Variants in NELL1 observed in about 807,000 individuals in gnomAD.
The protein encoded by NELL1 is protein kinase C-binding protein NELL1.
A neutral mutation model predicts 107.4 loss-of-function variants in NELL1; 76 were observed. The observed-to-expected ratio is 0.71, with a 90% CI of 0.59 to 0.86. The LOEUF is 0.86. NELL1 is among the 40% of genes least tolerant of loss of function. NELL1 has a pLI of 0.00. For synonymous variants in NELL1, 353 were observed against 341.2 expected (o/e 1.03, Z -0.38); for missense variants, 1,024 against 1,005.5 (o/e 1.02, Z -0.25).
chr11:20,812,645 T>A (rs1857523918), intron 3 of NELL1, among the ~76,000 whole-genome samples: 1 of 152,062 alleles, frequency 6.6e-6, no homozygotes, highest in Admixed American at 6.5e-5. Context: ...ATTTATGTTG[T>A]TAATTAAAGG....
chr11:20,902,676 CTTTT>C, intron 5 of NELL1, among the ~76,000 whole-genome samples: 1 of 148,126 alleles, frequency 6.8e-6, no homozygotes, highest in South Asian at 2.1e-4. Flanking sequence ...CATCACAGGA[CTTTT>C]TTTTTTGTTT....
chr11:21,413,635 T>TG (rs1852432869), intron 15 of NELL1, among the ~76,000 whole-genome samples: 1 of 152,038 alleles, frequency 6.6e-6, no homozygotes, highest in Non-Finnish European at 1.5e-5. Context: ...TCTGTCCTTA[T>TG]TTTAGCCTGT....
intron 10 of NELL1, among the ~76,000 whole-genome samples, chr11:20,938,824 T>A (rs1850781109): frequency 6.6e-6 from 1 of 151,998 alleles, no homozygotes; most frequent in Non-Finnish European, 1.5e-5. Context: ...CCTGGACAGT[T>A]AGACAGAACA....
intron 12 of NELL1, among the ~76,000 whole-genome samples, chr11:21,092,570 G>T (rs991186605): frequency 6.6e-6 from 1 of 152,122 alleles, no homozygotes; most frequent in African/African-American, 2.4e-5. Context: ...GCCCCCTAGA[G>T]AGGAGAAAAA....
intron 14 of NELL1, among the ~76,000 whole-genome samples, chr11:21,296,718 G>A (rs1849383943): frequency 6.6e-6 from 1 of 151,912 alleles, no homozygotes; most frequent in Non-Finnish European, 1.5e-5. Flanking sequence ...AAACAACTTA[G>A]ACAGATGGAA....
chr11:21,120,204 A>G (rs888388322), intron 13 of NELL1, among the ~76,000 whole-genome samples: 2 of 152,166 alleles, frequency 1.3e-5, no homozygotes, highest in African/African-American at 2.4e-5. Context: ...AGTACACTAT[A>G]ATGAAAAGAG....
chr11:20,840,487 T>C (rs1170650084), intron 3 of NELL1, among the ~76,000 whole-genome samples: 1 of 152,076 alleles, frequency 6.6e-6, no homozygotes, highest in Admixed American at 6.5e-5. Flanking sequence ...CAGCTGGAGG[T>C]GTTTTCACTC....
At chr11:21,226,828 T>A (rs1421379334) in intron 13 of NELL1, among the ~76,000 whole-genome samples, 1 of 152,166 alleles carries the variant, frequency 6.6e-6, no homozygotes, top group Non-Finnish European at 1.5e-5. Flanking sequence ...ATGAACATGG[T>A]AAGAGTATGG....
chr11:20,978,969 T>G (rs1329242078), intron 12 of NELL1, among the ~76,000 whole-genome samples: 1 of 152,196 alleles, frequency 6.6e-6, no homozygotes, highest in African/African-American at 2.4e-5. Flanking sequence ...CACAGGTAGT[T>G]ACACTTGAAA....
chr11:21,286,456 G>A (rs576955417), intron 14 of NELL1, among the ~76,000 whole-genome samples: 14 of 152,236 alleles, frequency 9.2e-5, no homozygotes, highest in South Asian at 4.1e-4. Flanking sequence ...AGCAAGGGGC[G>A]GATTTTAGCC....
chr11:21,466,929 C>T (rs1854047600), intron 15 of NELL1, among the ~76,000 whole-genome samples: 1 of 151,916 alleles, frequency 6.6e-6, no homozygotes, highest in East Asian at 1.9e-4. Context: ...CCCAGACATT[C>T]ATGTCAGTGA....
chr11:21,069,108 C>T (rs1237477857), intron 12 of NELL1, among the ~76,000 whole-genome samples: 1 of 152,118 alleles, frequency 6.6e-6, no homozygotes, highest in East Asian at 1.9e-4. Flanking sequence ...TAGTGAATGT[C>T]TGTGTCCATT....
At chr11:21,206,820 A>G (rs1217406389) in intron 13 of NELL1, among the ~76,000 whole-genome samples, 1 of 152,192 alleles carries the variant, frequency 6.6e-6, no homozygotes, top group South Asian at 2.1e-4. Flanking sequence ...AACTTCTGTG[A>G]TAAAGAAAAA....
intron 15 of NELL1, among the ~76,000 whole-genome samples, chr11:21,387,730 G>A: frequency 6.6e-6 from 1 of 151,746 alleles, no homozygotes; most frequent in East Asian, 2.0e-4. Context: ...TCTGAATTCT[G>A]AGTGTGTTAC....
intron 9 of NELL1, among the ~76,000 whole-genome samples, chr11:20,936,857 A>G (rs1344546652): frequency 2.0e-5 from 3 of 152,200 alleles, no homozygotes; most frequent in Non-Finnish European, 2.9e-5. Flanking sequence ...ACAGATATAG[A>G]GGCTCTGAAA....
chr11:20,718,462 A>AC (rs1564877837), intron 2 of NELL1, among the ~76,000 whole-genome samples: 2 of 64,632 alleles, frequency 3.1e-5, no homozygotes, highest in African/African-American at 5.8e-5. Context: ...TTATTTATTC[A>AC]TTTTTTTTTT....
intron 14 of NELL1, among the ~76,000 whole-genome samples, chr11:21,261,418 C>A (rs1478731484): frequency 2.0e-5 from 3 of 151,596 alleles, no homozygotes; most frequent in Non-Finnish European, 4.4e-5. Flanking sequence ...AGTTTTATTT[C>A]TTTTATTATT....
At chr11:20,913,345 G>C (rs983976055) in intron 5 of NELL1, among the ~76,000 whole-genome samples, 2 of 152,198 alleles carry the variant, frequency 1.3e-5, no homozygotes, top group East Asian at 1.9e-4. Context: ...AAATAAGAGC[G>C]TTAAAAAAGA....
At chr11:20,948,765 T>TAAAAAAAAAAAAAAAA (rs35915453) in intron 11 of NELL1, among the ~76,000 whole-genome samples, 1 of 107,286 alleles carries the variant, frequency 9.3e-6, no homozygotes, top group African/African-American at 3.5e-5. Context: ...TTCAAAATCT[T>TAAAAAAAAAAAAAAAA]AAAAAAAAAA....
Sources: gnomAD v4.1 joint callset for allele counts (sites outside exome capture counted in the v4.1 genomes callset) on GRCh38, gnomAD v4.1.1 for gene constraint, MANE v1.5 for transcripts, NCBI Gene and HGNC (gene_info 2026-07-23, HGNC 2026-07-21) for gene names.